The following RCAN2 variants were observed in gnomAD, a reference collection of about 807,000 sequenced individuals.
The protein encoded by RCAN2 is calcipressin-2.
In RCAN2, 9 loss-of-function variants were observed where a neutral mutation model predicts 23.6. That is an observed-to-expected ratio of 0.38 (90% confidence interval 0.23 to 0.67). The LOEUF (loss-of-function observed/expected upper bound fraction) is 0.67. Ranked by LOEUF, RCAN2 falls within the 30% of genes least tolerant of loss-of-function variation. The pLI is 0.51. For missense variants in RCAN2, 273 were observed against 302.3 expected (o/e 0.90, Z 0.72); for synonymous variants, 109 against 115.7 (o/e 0.94, Z 0.37).
chr6:46,427,754 G>C (rs1767073173), intron 2 of RCAN2, among the ~76,000 whole-genome samples: 1 of 152,188 alleles, frequency 6.6e-6, no homozygotes, highest in African/African-American at 2.4e-5. Flanking sequence ...AAAGAAACGA[G>C]AGAAACCAAC....
At chr6:46,243,409 C>T (rs941645175) in intron 4 of RCAN2, among the ~76,000 whole-genome samples, 1 of 152,126 alleles carries the variant, frequency 6.6e-6, no homozygotes, top group African/African-American at 2.4e-5. Flanking sequence ...ACTTAAAAAT[C>T]AGGAAACTCT....
chr6:46,458,927 T>C (rs942792046), intron 1 of RCAN2, among the ~76,000 whole-genome samples: 2 of 152,182 alleles, frequency 1.3e-5, no homozygotes, highest in African/African-American at 4.8e-5. Context: ...GTTTTGCTCT[T>C]GTCGCCCAGG....
chr6:46,348,070 A>G (rs1294147643), intron 2 of RCAN2, among the ~76,000 whole-genome samples: 2 of 152,310 alleles, frequency 1.3e-5, no homozygotes, highest in East Asian at 3.9e-4. Flanking sequence ...CATCATTTCA[A>G]TCATAAAGAC....
intron 2 of RCAN2, among the ~76,000 whole-genome samples, chr6:46,451,785 G>T (rs1767890199): frequency 6.6e-6 from 1 of 152,166 alleles, no homozygotes; most frequent in South Asian, 2.1e-4. Context: ...GCATTGCAAT[G>T]ATCTATTTAC....
At chr6:46,405,763 T>C (rs1766382477) in intron 2 of RCAN2, among the ~76,000 whole-genome samples, 1 of 152,154 alleles carries the variant, frequency 6.6e-6, no homozygotes, top group African/African-American at 2.4e-5. Flanking sequence ...CACCGTGCGC[T>C]CGCACTCCTC....
intron 2 of RCAN2, among the ~76,000 whole-genome samples, chr6:46,298,672 A>C (rs1019293592): frequency 2.6e-5 from 4 of 152,120 alleles, no homozygotes; most frequent in Non-Finnish European, 5.9e-5. Context: ...GAATGTAATT[A>C]GTTCAGCCCC....
chr6:46,331,869 C>T (rs183780849), intron 2 of RCAN2, among the ~76,000 whole-genome samples: 127 of 152,296 alleles, frequency 8.3e-4, no homozygotes, highest in African/African-American at 2.3e-3. Flanking sequence ...ACATTTGTAT[C>T]CCTTTCTTTC....
In RCAN2 at chr6:46,234,437, G is replaced by C. The variant is rs924633176; in HGVS notation, c.572-11136C>G. On this transcript the variant is annotated intron_variant, in intron 4 of 4. Coordinates refer to ENST00000371374, the MANE Select transcript of RCAN2 (RefSeq NM_001251974.2). ...ACGTCAATGCTGTCACCAGGCACAT[G>C]GACCAACTGGGCTTGTCTGGGGACA... Among the ~76,000 whole-genome samples the C allele has an allele frequency of 2.6e-5, 4 of 152,278 alleles. No homozygotes were observed. The East Asian group carries it at 7.8e-4, about 30-fold the overall frequency.
chr6:46,269,551 G>C (rs533062473), intron 2 of RCAN2, among the ~76,000 whole-genome samples: 7 of 152,346 alleles, frequency 4.6e-5, no homozygotes, highest in African/African-American at 1.7e-4. Flanking sequence ...GTATCTTGCT[G>C]TTGGTTCTTC....
intron 1 of RCAN2, among the ~76,000 whole-genome samples, chr6:46,472,145 C>A (rs1768574305): frequency 6.6e-6 from 1 of 152,190 alleles, no homozygotes; most frequent in African/African-American, 2.4e-5. Flanking sequence ...CTTTTAAGAT[C>A]TCTCAAATCA....
At chr6:46,254,988 T>A (rs1766856394) in intron 2 of RCAN2, among the ~76,000 whole-genome samples, 2 of 152,182 alleles carry the variant, frequency 1.3e-5, no homozygotes, top group African/African-American at 4.8e-5. Flanking sequence ...TCCAGAGGTA[T>A]CACCGCACTG....
At chr6:46,424,037 C>T (rs566573668) in intron 2 of RCAN2, among the ~76,000 whole-genome samples, 153 of 152,260 alleles carry the variant, frequency 1.0e-3, no homozygotes, top group African/African-American at 3.3e-3. Context: ...CCACTCTGTA[C>T]CACCATCCCA....
chr6:46,367,708 T>C (rs1471573577), intron 2 of RCAN2, among the ~76,000 whole-genome samples: 1 of 152,218 alleles, frequency 6.6e-6, no homozygotes, highest in Non-Finnish European at 1.5e-5. Flanking sequence ...TTTTCTTATC[T>C]TTGAAACACA....
intron 2 of RCAN2, among the ~76,000 whole-genome samples, chr6:46,388,236 A>C: frequency 6.6e-6 from 1 of 152,030 alleles, no homozygotes; most frequent in Admixed American, 6.6e-5. Flanking sequence ...CATGTACCCT[A>C]GAACTTGAAG....
intron 1 of RCAN2, among the ~76,000 whole-genome samples, chr6:46,471,815 T>A (rs1354692257): frequency 6.6e-6 from 1 of 152,056 alleles, no homozygotes; most frequent in Non-Finnish European, 1.5e-5. Flanking sequence ...GTTATAGGGA[T>A]TCAATTAGAT....
At chr6:46,380,604 A>G (rs1745436960) in intron 2 of RCAN2, among the ~76,000 whole-genome samples, 2 of 152,362 alleles carry the variant, frequency 1.3e-5, no homozygotes, top group Admixed American at 1.3e-4. Flanking sequence ...CAAGCTCTGC[A>G]GGGGATTCTG....
intron 2 of RCAN2, among the ~76,000 whole-genome samples, chr6:46,433,377 G>A (rs1246429854): frequency 6.6e-6 from 1 of 152,272 alleles, no homozygotes; most frequent in Non-Finnish European, 1.5e-5. Flanking sequence ...CCTAAACCCT[G>A]AAACCTGTGA....
intron 4 of RCAN2, among the ~76,000 whole-genome samples, chr6:46,233,894 A>T (rs2150309867): frequency 6.6e-6 from 1 of 151,868 alleles, no homozygotes; most frequent in South Asian, 2.1e-4. Context: ...CACCCGGCTA[A>T]TTTTTTGTAT....
chr6:46,473,292 C>T (rs1309929567), intron 1 of RCAN2, among the ~76,000 whole-genome samples: 1 of 152,244 alleles, frequency 6.6e-6, no homozygotes, highest in East Asian at 1.9e-4. Flanking sequence ...TCAATTATGA[C>T]TCTACCTTAT....
Sources: allele counts gnomAD v4.1 joint callset (sites outside exome capture counted in the v4.1 genomes callset), GRCh38; gene constraint gnomAD v4.1.1; transcripts MANE v1.5; gene names NCBI Gene and HGNC (gene_info 2026-07-23, HGNC 2026-07-21).